SPIRE1: variants seen among roughly 807,000 people sequenced by gnomAD.
SPIRE1 encodes the protein protein spire homolog 1.
A neutral mutation model predicts 94.1 loss-of-function variants in SPIRE1; 40 were observed. The ratio of observed to expected loss-of-function variants is 0.43; its 90% CI spans 0.33 to 0.55. SPIRE1 has a LOEUF of 0.55. Ranked by LOEUF, SPIRE1 falls within the 20% of genes least tolerant of loss-of-function variation. SPIRE1 has a pLI of 0.06. For synonymous variants in SPIRE1, 376 were observed against 371.7 expected, an observed-to-expected ratio of 1.01 and a Z score of -0.13; for missense variants, 838 against 975.2, an observed-to-expected ratio of 0.86 and a Z score of 1.87.
chr18:12,487,532 T>G (rs894804262), intron 8 of SPIRE1, among the ~76,000 whole-genome samples: 1 of 151,652 alleles, frequency 6.6e-6, no homozygotes, highest in Non-Finnish European at 1.5e-5. Context: ...GTAGCTGGGA[T>G]TACAGGTGCC....
chr18:12,639,248 C>T (rs1458889653), intron 1 of SPIRE1, among the ~76,000 whole-genome samples: 2 of 150,710 alleles, frequency 1.3e-5, no homozygotes, highest in Non-Finnish European at 3.0e-5. Flanking sequence ...CTGGGCGAGA[C>T]AGCGCCACTC....
Position 12,534,193 on chromosome 18 carries a change from G to A in SPIRE1, c.729+1283C>T, listed in dbSNP as rs576786289. Among the ~76,000 whole-genome samples the A allele has an allele frequency of 2.6e-5, 4 of 152,114 alleles. No homozygotes were observed. The South Asian group carries it at 8.3e-4, about 32-fold the overall frequency. On this transcript the variant is annotated intron_variant, in intron 4 of 16. Coordinates refer to ENST00000409402, the MANE Select transcript of SPIRE1 (RefSeq NM_001128626.2). Reference sequence around the variant, plus strand: ...ATCTATTTAAGGGTGATTTATTAAGGGTGATCTGCCTGAGACATCCATCAC... The same window carrying A: ...ATCTATTTAAGGGTGATTTATTAAGAGTGATCTGCCTGAGACATCCATCAC...
intron 2 of SPIRE1, among the ~76,000 whole-genome samples, chr18:12,627,609 GT>G (rs1598554796): frequency 2.0e-5 from 3 of 152,278 alleles, no homozygotes; most frequent in Admixed American, 1.3e-4. Context: ...GGTATTTCTA[GT>G]TCTCGATCCT....
At chr18:12,656,701 A>ACCT (rs916484847) in intron 1 of SPIRE1, 3 of 982,520 alleles carry the variant, frequency 3.1e-6, no homozygotes, top group Non-Finnish European at 3.6e-6. Context: ...CCTTTTCTCA[A>ACCT]CCTCCTCCTC....
At chr18:12,598,527 A>T (rs1478263985) in intron 2 of SPIRE1, among the ~76,000 whole-genome samples, 1 of 152,154 alleles carries the variant, frequency 6.6e-6, no homozygotes, top group Non-Finnish European at 1.5e-5. Flanking sequence ...AAATTTAAAT[A>T]TTATCAATAA....
At chr18:12,648,890 C>CAAAA (rs56696562) in intron 1 of SPIRE1, among the ~76,000 whole-genome samples, 13 of 85,482 alleles carry the variant, frequency 1.5e-4, no homozygotes, top group African/African-American at 1.8e-4. Flanking sequence ...AACTCCGTCT[C>CAAAA]AAAAAAAAAA....
chr18:12,611,786 C>A (rs191036334), intron 2 of SPIRE1, among the ~76,000 whole-genome samples: 1 of 152,096 alleles, frequency 6.6e-6, no homozygotes, highest in Non-Finnish European at 1.5e-5. Context: ...GCCTCAGCCC[C>A]TGGAGTAGCT....
At chr18:12,503,419 C>T (rs556153526) in intron 6 of SPIRE1, among the ~76,000 whole-genome samples, 4 of 152,276 alleles carry the variant, frequency 2.6e-5, no homozygotes, top group African/African-American at 2.4e-5. Flanking sequence ...ATGCCTTGTC[C>T]GTCTTTATTT....
At chr18:12,468,534 T>C (rs1416994470) in intron 10 of SPIRE1, among the ~76,000 whole-genome samples, 1 of 152,210 alleles carries the variant, frequency 6.6e-6, no homozygotes, top group African/African-American at 2.4e-5. Context: ...CCACTGCATC[T>C]GATCTTTAAA....
chr18:12,629,082 A>G (rs1351323637), intron 2 of SPIRE1, among the ~76,000 whole-genome samples: 3 of 152,242 alleles, frequency 2.0e-5, no homozygotes, highest in Non-Finnish European at 4.4e-5. Flanking sequence ...TTAACTTTAT[A>G]TAATACTTTA....
chr18:12,520,929 A>G (rs1323059792), intron 4 of SPIRE1, among the ~76,000 whole-genome samples: 2 of 152,200 alleles, frequency 1.3e-5, no homozygotes, highest in Non-Finnish European at 2.9e-5. Context: ...TCATGTCACA[A>G]ACAGGTGTCC....
chr18:12,601,401 C>T (rs1181017251), intron 2 of SPIRE1, among the ~76,000 whole-genome samples: 4 of 151,780 alleles, frequency 2.6e-5, no homozygotes, highest in East Asian at 1.9e-4. Flanking sequence ...CCAGCCTGGG[C>T]GATAAAGCAA....
At chr18:12,464,812 A>G in intron 11 of SPIRE1, 56 bp downstream of exon 11, 1 of 1,446,568 alleles carries the variant, frequency 6.9e-7, no homozygotes, top group South Asian at 1.2e-5. Context: ...GCTCTAGGTC[A>G]AGTGTGTTTT....
chr18:12,658,642 G>C (rs1226111737), upstream of SPIRE1: 2 of 467,846 alleles, frequency 4.3e-6, no homozygotes, highest in African/African-American at 4.0e-5. Flanking sequence ...GAAAATGCAG[G>C]CCCGCTGAAG....
intron 2 of SPIRE1, among the ~76,000 whole-genome samples, chr18:12,587,635 A>G (rs1229915961): frequency 1.3e-5 from 2 of 152,204 alleles, no homozygotes; most frequent in Admixed American, 1.3e-4. Context: ...AGGATCTGGT[A>G]CTCCACATTT....
upstream of SPIRE1, among the ~76,000 whole-genome samples, chr18:12,661,089 C>T (rs2038687644): frequency 6.6e-6 from 1 of 152,138 alleles, no homozygotes; most frequent in Admixed American, 6.5e-5. Context: ...GGGCAGATCA[C>T]CTGAGGTCAG....
Position 12,657,787 on chromosome 18 carries a change from C to A in SPIRE1, c.80G>T (p.Gly27Val), listed in dbSNP as rs903765857. The change falls in exon 1 of 17, where the codon GGG (glycine) becomes GTG (valine). Residue 27 changes from glycine to valine, a missense_variant. Gly to Val is a moderately radical substitution (Grantham distance 109, BLOSUM62 -3). Around this residue, in one of 2 missense-constraint regions of SPIRE1, gnomAD observed 193 missense variants for 170.5 expected, o/e 1.13. Transcript: ENST00000409402. ...AVGGEGPREP[G>V]AAGGAAGGSR... is the part of the protein sequence containing the mutation. ...GCCCCCGGCCGCGCCGCCGGCTGCC[C>A]CGGGCTCCCGCGGCCCCTCGCCGCC... The A allele has an allele frequency of 7.7e-7, 1 of 1,298,736 alleles. No individual in the cohort carries two copies. Among genetic ancestry groups the A allele is most frequent in the Non-Finnish European group, 9.8e-7 (1 of 1,020,284 alleles). The allele number at this position is 1,298,736 out of a possible 1,614,324, so 80.5% of individuals were successfully genotyped here.
chr18:12,497,950 C>G (rs2033519794), intron 6 of SPIRE1, among the ~76,000 whole-genome samples: 1 of 152,286 alleles, frequency 6.6e-6, no homozygotes, highest in Middle Eastern at 3.4e-3. Context: ...TAGTCAGAAG[C>G]TGTATCCTGG....
chr18:12,599,431 A>C (rs954668452), intron 2 of SPIRE1, among the ~76,000 whole-genome samples: 1 of 152,016 alleles, frequency 6.6e-6, no homozygotes, highest in South Asian at 2.1e-4. Flanking sequence ...TGGCTAATTT[A>C]AAAAAATTTT....
Sources: gnomAD v4.1 joint callset for allele counts (sites outside exome capture counted in the v4.1 genomes callset) on GRCh38, gnomAD v4.1.1 for gene constraint, gnomAD v4.1.1 regional missense constraint, MANE v1.5 for transcripts, NCBI Gene and HGNC (gene_info 2026-07-23, HGNC 2026-07-21) for gene names.